DLGAP2: variants seen among roughly 807,000 people sequenced by gnomAD.
The protein encoded by DLGAP2 is disks large-associated protein 2.
A neutral mutation model predicts 100.3 loss-of-function variants in DLGAP2; 26 were observed. The observed-to-expected ratio is 0.26, with a 90% CI of 0.19 to 0.36. The LOEUF (loss-of-function observed/expected upper bound fraction) is 0.36, where lower values mean the gene tolerates loss of function less well. Ranked by LOEUF, DLGAP2 falls within the 10% of genes least tolerant of loss-of-function variation. DLGAP2 has a pLI of 1.00. For synonymous variants in DLGAP2, 886 were observed against 630.1 expected (o/e 1.41, Z -6.08); for missense variants, 1,858 against 1,453.2 (o/e 1.28, Z -4.53).
chr8:884,180 G>C lies in DLGAP2; in HGVS notation c.19-23732G>C, dbSNP rs552238635. 7.2e-5 allele frequency among the ~76,000 whole-genome samples: 11 copies of C among 152,240 alleles called. No individual in the cohort carries two copies. The South Asian group carries it at 2.3e-3, about 32-fold the overall frequency. ...CAGTAATGGGATTGCTGGGGCAAAT[G>C]GTATTTCTAGTTCTGGAACCTTGAG... On this transcript the variant is annotated intron_variant, in intron 1 of 14. Coordinates refer to ENST00000637795, the MANE Select transcript of DLGAP2 (RefSeq NM_001346810.2).
rs565747585 is a variant in DLGAP2, at chr8:909,994, G to T, written c.73+2028G>T. On this transcript the variant is annotated intron_variant, in intron 2 of 14. Coordinates refer to ENST00000637795, the MANE Select transcript of DLGAP2 (RefSeq NM_001346810.2). ...ACTGTAATTTTCTTCTACCTCAATG[G>T]TTTTGTGGAAGAGTTTTCGCAGTTT... 2.6e-5 allele frequency among the ~76,000 whole-genome samples: 4 copies of T among 152,322 alleles called. No individual in the cohort carries two copies. The South Asian group carries it at 8.3e-4, about 32-fold the overall frequency.
chr8:952,343 C>A (rs144521289), intron 2 of DLGAP2, among the ~76,000 whole-genome samples: 1 of 152,130 alleles, frequency 6.6e-6, no homozygotes, highest in Admixed American at 6.5e-5. Flanking sequence ...TTATTGCATT[C>A]GAAATTAAAA....
intron 1 of DLGAP2, among the ~76,000 whole-genome samples, chr8:746,846 C>A (rs1820628683): frequency 6.6e-6 from 1 of 152,192 alleles, no homozygotes; most frequent in Admixed American, 6.5e-5. Flanking sequence ...CCCGGTGTAG[C>A]CCCTGCTGGC....
chr8:1,223,634 C>T (rs74724474), intron 2 of DLGAP2, among the ~76,000 whole-genome samples: 3,646 of 152,254 alleles, frequency 0.024, 139 homozygotes, highest in African/African-American at 0.081. Flanking sequence ...TAGAGACATA[C>T]GCACTGATTT....
chr8:902,393 C>T (rs1017772490), intron 1 of DLGAP2, among the ~76,000 whole-genome samples: 4 of 149,848 alleles, frequency 2.7e-5, no homozygotes. Context: ...CCGGAGGGTT[C>T]ATGGAAGGAG....
rs143980991 is a variant in DLGAP2 at position 823,078 on chromosome 8, T to C, written c.19-84834T>C. Among the ~76,000 whole-genome samples the C allele has an allele frequency of 3.5e-3, 539 of 152,252 alleles. 1 individual carries two copies. Among genetic ancestry groups the C allele is most frequent in the Non-Finnish European group, 5.7e-3 (390 of 68,002 alleles). ...TCAGGGGGGGCCATGTTGCTGCCAC[T>C]GCCTGTCATCTCCTTCTGTTTCTTT... On this transcript the variant is annotated intron_variant, in intron 1 of 14. Transcript: ENST00000637795.
intron 3 of DLGAP2, among the ~76,000 whole-genome samples, chr8:1,410,347 C>T (rs1796692368): frequency 6.6e-6 from 1 of 152,190 alleles, no homozygotes; most frequent in Non-Finnish European, 1.5e-5. Flanking sequence ...GCCCAGGCAG[C>T]CTCACGGTGA....
chr8:973,251 GT>G (rs1800065548), intron 2 of DLGAP2, among the ~76,000 whole-genome samples: 1 of 143,196 alleles, frequency 7.0e-6, no homozygotes, highest in Admixed American at 6.9e-5. Context: ...GGCGGAGGCT[GT>G]CCCCCCACCT....
chr8:1,129,066 C>T (rs1192584716), intron 2 of DLGAP2, among the ~76,000 whole-genome samples: 8 of 152,274 alleles, frequency 5.3e-5, no homozygotes, highest in African/African-American at 1.9e-4. Context: ...CTTCATGGTC[C>T]TCTGTCGCTT....
intron 4 of DLGAP2, among the ~76,000 whole-genome samples, chr8:1,525,212 T>C (rs1800752642): frequency 1.5e-5 from 2 of 131,262 alleles, no homozygotes; most frequent in Admixed American, 8.3e-5. Flanking sequence ...TTTTTTTTTT[T>C]TGATATATGA....
intron 3 of DLGAP2, among the ~76,000 whole-genome samples, chr8:1,387,417 G>A (rs1218044330): frequency 6.6e-6 from 1 of 152,196 alleles, no homozygotes; most frequent in African/African-American, 2.4e-5. Flanking sequence ...GAGAAGGCTG[G>A]GTTTGGCTAC....
At chr8:1,520,827 CG>C (rs1159409491) in intron 4 of DLGAP2, among the ~76,000 whole-genome samples, 1 of 152,120 alleles carries the variant, frequency 6.6e-6, no homozygotes, top group Non-Finnish European at 1.5e-5. Flanking sequence ...CATCTGTGTG[CG>C]GGTTGATGTG....
chr8:1,648,017 A>C (rs192754499), intron 8 of DLGAP2, among the ~76,000 whole-genome samples: 1 of 152,264 alleles, frequency 6.6e-6, no homozygotes, highest in East Asian at 1.9e-4. Flanking sequence ...TCTCTTCCAC[A>C]TTTCATGTCA....
intron 3 of DLGAP2, among the ~76,000 whole-genome samples, chr8:1,376,659 C>G (rs760183): frequency 0.25 from 16,721 of 66,726 alleles, 4,504 homozygotes; most frequent in African/African-American, 0.39. Flanking sequence ...CTCACTCTGA[C>G]CCCGGTGGGA....
At position 1,241,457 on chromosome 8, in the gene DLGAP2, C is replaced by T. The variant is rs373196328; in HGVS notation, c.74-17394C>T. On this transcript the variant is annotated intron_variant, in intron 2 of 14. Transcript: ENST00000637795. ...TGTCTGGAGCTCTCTCACACCCTGA[C>T]GCGTTATTTATTTCTTCCTTGACGT... Among the ~76,000 whole-genome samples the T allele has an allele frequency of 2.9e-4, 44 of 152,310 alleles. No individual in the cohort carries two copies. The South Asian group carries it at 4.0e-3, about 14-fold the overall frequency.
At chr8:900,674 A>T (rs1347430955) in intron 1 of DLGAP2, among the ~76,000 whole-genome samples, 1 of 152,106 alleles carries the variant, frequency 6.6e-6, no homozygotes, top group Admixed American at 6.5e-5. Flanking sequence ...CTGGCGTTAA[A>T]TCCATCACCA....
At chr8:1,439,211 G>A (rs535861122) in intron 3 of DLGAP2, among the ~76,000 whole-genome samples, 1 of 152,290 alleles carries the variant, frequency 6.6e-6, no homozygotes, top group South Asian at 2.1e-4. Context: ...CTCCCCTCCA[G>A]AGGCAGGAGC....
chr8:1,145,696 C>T (rs912606299), intron 2 of DLGAP2, among the ~76,000 whole-genome samples: 7 of 150,988 alleles, frequency 4.6e-5, no homozygotes, highest in African/African-American at 7.3e-5. Flanking sequence ...ATGTGCCATG[C>T]TGGTGTGCTG....
At chr8:755,830 G>T (rs1820905131) in intron 1 of DLGAP2, among the ~76,000 whole-genome samples, 1 of 152,246 alleles carries the variant, frequency 6.6e-6, no homozygotes. Flanking sequence ...TGGGAAGCCA[G>T]GATTCTGAAT....
Sources: gnomAD v4.1 joint callset for allele counts (sites outside exome capture counted in the v4.1 genomes callset) on GRCh38, gnomAD v4.1.1 for gene constraint, MANE v1.5 for transcripts, NCBI Gene and HGNC (gene_info 2026-07-23, HGNC 2026-07-21) for gene names.